The following DONSON variants were observed in gnomAD, a reference collection of about 807,000 sequenced individuals.
DONSON encodes the protein protein downstream neighbor of Son.
A neutral mutation model predicts 62.1 loss-of-function variants in DONSON; 43 were observed. That is an observed-to-expected ratio of 0.69 (90% CI 0.54 to 0.89). The LOEUF is 0.89. Ranked by LOEUF, DONSON falls within the 40% of genes least tolerant of loss-of-function variation. The pLI is 0.00. For synonymous variants in DONSON, 266 were observed against 264.6 expected, an observed-to-expected ratio of 1.01 and a Z score of -0.05; for missense variants, 696 against 697.5, an observed-to-expected ratio of 1.00 and a Z score of 0.03.
intron 4 of DONSON, 142 bp downstream of exon 4, chr21:33,584,448 T>A (rs574844719): frequency 1.5e-5 from 11 of 747,300 alleles, no homozygotes; most frequent in Non-Finnish European, 2.2e-5. Context: ...GTTTATATGT[T>A]GGTTATTAAT....
At chr21:33,588,191 G>T (rs2086602710) in intron 1 of DONSON, 130 bp downstream of exon 1, 1 of 768,490 alleles carries the variant, frequency 1.3e-6, no homozygotes, top group South Asian at 6.8e-5. Context: ...GTACCCTAAG[G>T]CCACGGGCGG....
intron 5 of DONSON, among the ~76,000 whole-genome samples, chr21:33,583,168 T>TCTAGC (rs2086533870): frequency 7.8e-6 from 1 of 128,954 alleles, no homozygotes; most frequent in African/African-American, 3.1e-5. Flanking sequence ...ACCACTGCAT[T>TCTAGC]CTAGCCTGGG....
At chr21:33,578,936 A>G (rs574300250) in intron 9 of DONSON, among the ~76,000 whole-genome samples, 137 of 152,332 alleles carry the variant, frequency 9.0e-4, no homozygotes, top group African/African-American at 3.1e-3. Flanking sequence ...CAGGAGTTCA[A>G]GACCAGCCTG....
intron 8 of DONSON, 118 bp downstream of exon 8, chr21:33,581,184 A>T (rs1161903399): frequency 1.1e-6 from 1 of 948,918 alleles, no homozygotes; most frequent in Admixed American, 2.9e-5. Context: ...TAATGGGAGG[A>T]AAGCAAAATG....
chr21:33,581,266 ACTT>A, intron 8 of DONSON, 33 bp downstream of exon 8: 1 of 1,586,258 alleles, frequency 6.3e-7, no homozygotes, highest in South Asian at 1.1e-5. Context: ...AAAGTAAAGT[ACTT>A]CTTAAAAGCT....
chr21:33,586,133 T>C lies in DONSON; in HGVS notation c.451A>G (p.Thr151Ala). 1.9e-6 allele frequency: 3 copies of C among 1,614,158 alleles called. No homozygotes were observed. Among genetic ancestry groups the C allele is most frequent in the Non-Finnish European group, 2.5e-6 (3 of 1,180,026 alleles). The change falls in exon 3 of 10, where the codon ACT becomes GCT. Residue 151 changes from threonine to alanine, a missense_variant. By Grantham distance (58) the Thr-to-Ala change is moderately conservative. Transcript: ENST00000303071. The stretch of plus-strand genomic sequence containing the variant: ...ATACTCCAGTCCACAGGTAACTCAG[T>C]ACTTTTTGAGGACGGAATATCAGGC... ...SEPDIPSSKSTELPVDWSIKT... is the reference protein window; with the variant it reads ...SEPDIPSSKSAELPVDWSIKT...
intron 3 of DONSON, among the ~76,000 whole-genome samples, chr21:33,585,442 G>A (rs866402571): frequency 8.1e-4 from 110 of 135,176 alleles, no homozygotes; most frequent in Middle Eastern, 4.8e-3. Flanking sequence ...TACTCAGGCT[G>A]GTCTCAAGCA....
At chr21:33,579,233 A>T in intron 9 of DONSON, 117 bp downstream of exon 9, 1 of 693,134 alleles carries the variant, frequency 1.4e-6, no homozygotes, top group Non-Finnish European at 2.2e-6. Context: ...ATTCATAATT[A>T]AGTAACAGTT....
In DONSON at chr21:33,588,462, A is replaced by G; in HGVS notation, c.180T>C (p.Ala60=). ...VAGLPLRPFP[A]AGGRGGGSGG... is the part of the protein sequence containing the mutation. ...CGCTGCCACCGCCTCTGCCCCCCGCAGCAGGGAAAGGGCGAAGAGGCAGCC... is the reference window on the plus strand; with the variant it reads ...CGCTGCCACCGCCTCTGCCCCCCGCGGCAGGGAAAGGGCGAAGAGGCAGCC... The change falls in exon 1 of 10, where the codon GCT becomes GCC. Residue 60 remains alanine (A), a synonymous_variant. Transcript: ENST00000303071. The G allele has an allele frequency of 6.9e-6, 9 of 1,300,064 alleles. No individual in the cohort carries two copies. The highest frequency in any genetic ancestry group is 1.5e-5 in the African/African-American group (1 of 65,040). 80.5% of individuals were successfully genotyped at this position (1,300,064 alleles called of 1,614,324 possible).
intron 2 of DONSON, among the ~76,000 whole-genome samples, chr21:33,586,472 T>C (rs747860513): frequency 1.4e-4 from 21 of 152,198 alleles, no homozygotes; most frequent in Non-Finnish European, 2.5e-4. Context: ...GATGTTTGTA[T>C]TGAAGTAGAA....
chr21:33,585,022 T>A (rs373387770), intron 3 of DONSON, among the ~76,000 whole-genome samples: 2 of 152,178 alleles, frequency 1.3e-5, no homozygotes. Context: ...GGACAATGAC[T>A]ACCTTTTTTA....
chr21:33,578,537 G>T, intron 9 of DONSON, 93 bp from the exon 10 acceptor site: 1 of 1,309,376 alleles, frequency 7.6e-7, no homozygotes, highest in Non-Finnish European at 1.0e-6. Context: ...CAAATAAATG[G>T]CTGATTAATG....
intron 9 of DONSON, 37 bp downstream of exon 9, chr21:33,579,310 AACT>A: frequency 7.0e-7 from 1 of 1,433,248 alleles, no homozygotes; most frequent in South Asian, 1.6e-5. Flanking sequence ...AGTTTGAGGA[AACT>A]ACAACTAAAA....
chr21:33,582,707 A>G (rs780340435), intron 5 of DONSON, among the ~76,000 whole-genome samples: 2 of 152,146 alleles, frequency 1.3e-5, no homozygotes, highest in African/African-American at 4.8e-5. Flanking sequence ...GGAGTCCCCA[A>G]CCCCTGGACT....
intron 5 of DONSON, among the ~76,000 whole-genome samples, chr21:33,582,716 C>A (rs1352723823): frequency 1.3e-5 from 2 of 152,190 alleles, no homozygotes; most frequent in African/African-American, 4.8e-5. Flanking sequence ...AACCCCTGGA[C>A]TGTGGACTGG....
chr21:33,588,637 G>C lies in DONSON; in HGVS notation c.5C>G (p.Ala2Gly). The stretch of plus-strand genomic sequence containing the variant: ...CGGTGAGTAGCCGGGCACCGAAAGG[G>C]CCATGACGCGCGGCGGCTGAGGGTA... M[A>G]LSVPGYSPGF... is the part of the protein sequence containing the mutation. Residue 2 changes from alanine (A) to glycine (G), a missense_variant, in exon 1 of 10, where the codon GCC becomes GGC. Transcript: ENST00000303071. The C allele has an allele frequency of 8.1e-7, 1 of 1,234,434 alleles. No homozygotes were observed. The highest frequency in any genetic ancestry group is 3.6e-5 in the South Asian group (1 of 27,732). 76.5% of individuals were successfully genotyped at this position (1,234,434 alleles called of 1,614,324 possible).
chr21:33,582,959 T>G, intron 5 of DONSON, among the ~76,000 whole-genome samples: 1 of 151,934 alleles, frequency 6.6e-6, no homozygotes, highest in Non-Finnish European at 1.5e-5. Flanking sequence ...CCCAGCACTT[T>G]GGGAGGCCGA....
In DONSON at chr21:33,577,603, C is replaced by CT. The variant is rs2086432971; in HGVS notation, c.*703dup. On this transcript the variant is annotated 3_prime_UTR_variant, in exon 10 of 10. Transcript: ENST00000303071. ...AAAATGTGAATTATACAGTCCCCCC[C>CT]TACACACACACACACACACACACAC... is the stretch of plus-strand genomic sequence containing the variant. 1 of 51,694 alleles carries CT rather than the reference C, an allele frequency of 1.9e-5. No homozygotes were observed. Among genetic ancestry groups the CT allele is most frequent in the Non-Finnish European group, 3.7e-5 (1 of 26,704 alleles). The allele number at this position is 51,694 out of a possible 1,614,324, so 3.2% of individuals were successfully genotyped here. A position where few individuals can be genotyped will look rare whatever the true frequency, so the allele number is the denominator to read the frequency against.
intron 4 of DONSON, among the ~76,000 whole-genome samples, chr21:33,584,216 T>C (rs1038618735): frequency 2.0e-5 from 3 of 151,346 alleles, no homozygotes; most frequent in Admixed American, 2.0e-4. Context: ...GGCTAATTTT[T>C]TTTGTATTTT....
Sources: allele counts gnomAD v4.1 joint callset (sites outside exome capture counted in the v4.1 genomes callset), GRCh38; gene constraint gnomAD v4.1.1; transcripts MANE v1.5; gene names NCBI Gene and HGNC (gene_info 2026-07-23, HGNC 2026-07-21).